ADAM29: variants seen among roughly 807,000 people sequenced by gnomAD.
ADAM29 encodes the protein disintegrin and metalloproteinase domain-containing protein 29.
For missense variants in ADAM29, 969 were observed against 1,001.8 expected (o/e 0.97, Z 0.44); for synonymous variants, 367 against 342.3 (o/e 1.07, Z -0.80).
chr4:174,947,981 A>G (rs753792233), intron 4 of ADAM29, among the ~76,000 whole-genome samples: 2 of 152,236 alleles, frequency 1.3e-5, no homozygotes, highest in Non-Finnish European at 2.9e-5. Context: ...ATATGACCAT[A>G]TTATGACATT....
chr4:174,965,813 C>T (rs1579072833), intron 4 of ADAM29, among the ~76,000 whole-genome samples: 1 of 151,648 alleles, frequency 6.6e-6, no homozygotes, highest in East Asian at 1.9e-4. Flanking sequence ...TCATTTAAAC[C>T]TAATTAACAT....
At chr4:174,963,178 A>C (rs964671398) in intron 4 of ADAM29, among the ~76,000 whole-genome samples, 1 of 152,216 alleles carries the variant, frequency 6.6e-6, no homozygotes. Context: ...AAATAGACAG[A>C]CACATTAGGA....
At position 174,976,999 on chromosome 4, in the gene ADAM29, T is replaced by C; in HGVS notation, c.1474T>C (p.Tyr492His). Residue 492 changes from tyrosine (Y) to histidine (H), a missense_variant, in exon 5 of 5, where the codon TAC (tyrosine) becomes CAC (histidine). Tyr to His is a moderately conservative substitution (Grantham distance 83). Coordinates refer to ENST00000359240, the MANE Select transcript of ADAM29 (RefSeq NM_014269.4). ...EDGIPCKERG[Y>H]CYEKSCHDRN... The stretch of plus-strand genomic sequence containing the variant: ...TGGAATTCCCTGTAAGGAGAGGGGC[T>C]ACTGCTATGAAAAGAGCTGTCATGA... The C allele has an allele frequency of 6.2e-7, 1 of 1,614,174 alleles. No homozygotes were observed. Among genetic ancestry groups the C allele is most frequent in the South Asian group, 1.1e-5 (1 of 91,080 alleles).
At chr4:174,960,041 G>T (rs565364235) in intron 4 of ADAM29, among the ~76,000 whole-genome samples, 2 of 151,900 alleles carry the variant, frequency 1.3e-5, no homozygotes, top group South Asian at 4.2e-4. Flanking sequence ...TTGATGATGT[G>T]TTTTTAAAAA....
At chr4:174,924,598 C>CA (rs1579002695) in intron 2 of ADAM29, among the ~76,000 whole-genome samples, 1 of 152,084 alleles carries the variant, frequency 6.6e-6, no homozygotes, top group Non-Finnish European at 1.5e-5. Context: ...CAAACTACGA[C>CA]ATATCAATAC....
intron 2 of ADAM29, among the ~76,000 whole-genome samples, chr4:174,925,639 G>A (rs572225818): frequency 2.2e-4 from 33 of 152,284 alleles, no homozygotes; most frequent in Middle Eastern, 3.4e-3. Flanking sequence ...TATTAATTCT[G>A]AGAGTCTTGA....
At position 174,920,693 on chromosome 4, in the gene ADAM29, G is replaced by A. The variant is rs574706795; in HGVS notation, c.-550G>A. The A allele has an allele frequency of 6.6e-6, 1 of 152,118 alleles. No individual in the cohort carries two copies. The highest frequency in any genetic ancestry group is 2.4e-5 in the African/African-American group (1 of 41,502). The allele number at this position is 152,118 out of a possible 1,614,324, so 9.4% of individuals were successfully genotyped here. A position where few individuals can be genotyped will look rare whatever the true frequency, so the allele number is the denominator to read the frequency against. ...ATTGTTTCCATTCCCATAGCTTGCT[G>A]GATGAATAAAGGAAAGAAGGTTTAT... On this transcript the variant is annotated 5_prime_UTR_variant, in exon 2 of 5. Transcript: ENST00000359240.
chr4:174,950,235 A>T (rs1048363606), intron 4 of ADAM29, among the ~76,000 whole-genome samples: 2 of 152,156 alleles, frequency 1.3e-5, no homozygotes, highest in Non-Finnish European at 2.9e-5. Flanking sequence ...ATGTCTCTCA[A>T]TCCCATTCTT....
intron 4 of ADAM29, among the ~76,000 whole-genome samples, chr4:174,949,319 A>G (rs966245023): frequency 1.6e-4 from 25 of 152,194 alleles, no homozygotes; most frequent in African/African-American, 5.8e-4. Context: ...ATCACTGGCC[A>G]TGCTCCGCTG....
intron 4 of ADAM29, among the ~76,000 whole-genome samples, chr4:174,953,863 C>G (rs969499488): frequency 1.3e-5 from 2 of 152,126 alleles, no homozygotes; most frequent in African/African-American, 4.8e-5. Flanking sequence ...GCATGCACCA[C>G]CATGCCCAGC....
intron 4 of ADAM29, among the ~76,000 whole-genome samples, chr4:174,973,606 C>T (rs1460525146): frequency 1.3e-5 from 2 of 152,086 alleles, no homozygotes; most frequent in Non-Finnish European, 2.9e-5. Flanking sequence ...AAGATAGTTG[C>T]CTTTCTATGT....
chr4:174,932,126 A>G lies in ADAM29; in HGVS notation c.-262+952A>G, dbSNP rs560241216. ...TAACATGGTGAAAACCAGCTCTACT[A>G]AAAATACAAAATTAGCTAGGTGTGG... On this transcript the variant is annotated intron_variant, in intron 3 of 4. Transcript: ENST00000359240. 4.6e-5 allele frequency among the ~76,000 whole-genome samples: 7 copies of G among 152,186 alleles called. No homozygotes were observed. In the South Asian group the frequency reaches 1.0e-3, roughly 23 times the overall value.
At chr4:174,951,642 G>A (rs1454043749) in intron 4 of ADAM29, among the ~76,000 whole-genome samples, 1 of 152,114 alleles carries the variant, frequency 6.6e-6, no homozygotes. Flanking sequence ...AAGAATGCAG[G>A]ATAATGCCTG....
chr4:174,939,738 A>C (rs1395316290), intron 4 of ADAM29, among the ~76,000 whole-genome samples: 1 of 152,160 alleles, frequency 6.6e-6, no homozygotes, highest in African/African-American at 2.4e-5. Context: ...CAGATTTCAC[A>C]AGGATGGATT....
chr4:174,937,579 G>A (rs1421257343), intron 4 of ADAM29, among the ~76,000 whole-genome samples: 1 of 151,960 alleles, frequency 6.6e-6, no homozygotes, highest in African/African-American at 2.4e-5. Context: ...AAAAACTACA[G>A]TATTCTTTAA....
chr4:174,934,065 T>C (rs1404388473), intron 3 of ADAM29, among the ~76,000 whole-genome samples: 1 of 152,206 alleles, frequency 6.6e-6, no homozygotes, highest in Non-Finnish European at 1.5e-5. Context: ...CTTTCCACAA[T>C]AGTTGAACTA....
intron 2 of ADAM29, among the ~76,000 whole-genome samples, chr4:174,926,524 C>G (rs967579906): frequency 3.3e-5 from 5 of 151,694 alleles, no homozygotes; most frequent in Non-Finnish European, 7.4e-5. Context: ...ATGTTAAAAA[C>G]AAGCTGACCG....
At chr4:174,924,838 C>A (rs2110903144) in intron 2 of ADAM29, among the ~76,000 whole-genome samples, 1 of 152,206 alleles carries the variant, frequency 6.6e-6, no homozygotes, top group African/African-American at 2.4e-5. Context: ...GTGGGCTATG[C>A]AAGTTGACAC....
intron 4 of ADAM29, among the ~76,000 whole-genome samples, chr4:174,973,920 T>C (rs1746606858): frequency 6.6e-6 from 1 of 152,194 alleles, no homozygotes. Flanking sequence ...TCATTCAGGC[T>C]GCATTTCACT....
Sources: allele counts gnomAD v4.1 joint callset (sites outside exome capture counted in the v4.1 genomes callset), GRCh38; gene constraint gnomAD v4.1.1; transcripts MANE v1.5; gene names NCBI Gene and HGNC (gene_info 2026-07-23, HGNC 2026-07-21).